Variants in NUTM1 observed in about 807,000 individuals in gnomAD.
NUTM1 encodes the protein NUT family member 1.
A neutral mutation model predicts 88.7 loss-of-function variants in NUTM1; 39 were observed. The observed-to-expected ratio is 0.44, with a 90% CI of 0.34 to 0.57. The LOEUF (loss-of-function observed/expected upper bound fraction) is 0.57, where lower values mean the gene tolerates loss of function less well. NUTM1 is among the 20% of genes least tolerant of loss of function. NUTM1 has a pLI of 0.01. For missense variants in NUTM1, 1,350 were observed against 1,414.5 expected, an observed-to-expected ratio of 0.95 and a Z score of 0.73; for synonymous variants, 494 against 538.0, an observed-to-expected ratio of 0.92 and a Z score of 1.13.
At chr15:34,347,170 C>A (rs1055830686) in intron 2 of NUTM1, among the ~76,000 whole-genome samples, 1 of 151,916 alleles carries the variant, frequency 6.6e-6, no homozygotes, top group Non-Finnish European at 1.5e-5. Flanking sequence ...GTTATCTCTG[C>A]ACTTTGGAAG....
At chr15:34,350,679 G>A (rs1566888958) in intron 3 of NUTM1, 25 bp from the exon 4 acceptor site, 1 of 1,606,996 alleles carries the variant, frequency 6.2e-7, no homozygotes, top group Admixed American at 1.7e-5. Flanking sequence ...CTTTTAGAAT[G>A]TGACTGACTC....
intron 2 of NUTM1, among the ~76,000 whole-genome samples, chr15:34,346,364 C>T (rs1424518946): frequency 3.3e-5 from 5 of 151,542 alleles, no homozygotes; most frequent in Non-Finnish European, 7.4e-5. Flanking sequence ...TTAGGACTGG[C>T]ACAGAGAGGT....
Position 34,354,724 on chromosome 15 carries a change from G to A in NUTM1, c.1354G>A (p.Val452Ile). Reference protein sequence around the residue: ...INELCSQKVFVSKVEAVIHPQ... With the variant: ...INELCSQKVFISKVEAVIHPQ... ...TGAGCTGTGTTCTCAGAAGGTCTTT[G>A]TCTCCAAGGTGAGCTGGGCCTGCAC... The change falls in exon 6 of 8, where the codon GTC becomes ATC. Residue 452 changes from valine to isoleucine, a missense_variant. Physicochemically the swap from Val to Ile is conservative, Grantham distance 29. Coordinates refer to ENST00000537011, the MANE Select transcript of NUTM1 (RefSeq NM_001284292.2). The A allele has an allele frequency of 6.2e-7, 1 of 1,614,166 alleles. No homozygotes were observed. The highest frequency in any genetic ancestry group is 1.1e-5 in the South Asian group (1 of 91,060).
chr15:34,352,503 C>T (rs193217534), intron 4 of NUTM1, among the ~76,000 whole-genome samples: 2 of 151,912 alleles, frequency 1.3e-5, no homozygotes, highest in East Asian at 1.9e-4. Context: ...GAGATAGGTA[C>T]GGAAAACAAG....
intron 4 of NUTM1, among the ~76,000 whole-genome samples, chr15:34,351,872 TAAA>T (rs11407280): frequency 7.2e-6 from 1 of 138,344 alleles, no homozygotes; most frequent in Non-Finnish European, 1.5e-5. Context: ...TATCTTTGAT[TAAA>T]AAAAAAAAAA....
Position 34,350,783 on chromosome 15 carries a change from G to A in NUTM1, c.889G>A (p.Glu297Lys). Residue 297 changes from glutamate to lysine, a missense_variant, in exon 4 of 8, where the codon GAG (glutamate) becomes AAG (lysine). Glu to Lys is a moderately conservative substitution (Grantham distance 56). Around this residue, in one of 5 missense-constraint regions of NUTM1, gnomAD observed 399 missense variants for 397.9 expected, o/e 1.00. Coordinates refer to ENST00000537011, the MANE Select transcript of NUTM1 (RefSeq NM_001284292.2). ...ACTGCCATTGGCTGTGCAGGAGTGG[G>A]AGCACACCAGCAACTTTGACCGGAT... is the stretch of plus-strand genomic sequence containing the variant. ...EGLPLAVQEW[E>K]HTSNFDRMIF... is the part of the protein sequence containing the mutation. The A allele has an allele frequency of 6.2e-7, 1 of 1,614,064 alleles. No homozygotes were observed.
Position 34,350,791 on chromosome 15 carries a change from C to T in NUTM1, c.897C>T (p.Thr299=), listed in dbSNP as rs1221209981. ...LPLAVQEWEH[T]SNFDRMIFYE... ...TGGCTGTGCAGGAGTGGGAGCACACCAGCAACTTTGACCGGATGATCTTTT... is the reference window on the plus strand; with the variant it reads ...TGGCTGTGCAGGAGTGGGAGCACACTAGCAACTTTGACCGGATGATCTTTT... Residue 299 remains threonine (T), a synonymous_variant, in exon 4 of 8, where the codon ACC becomes ACT. Coordinates refer to ENST00000537011, the MANE Select transcript of NUTM1 (RefSeq NM_001284292.2). The T allele has an allele frequency of 1.9e-6, 3 of 1,613,950 alleles. No individual in the cohort carries two copies. The African/African-American group carries it at 4.0e-5, about 22-fold the overall frequency.
intron 2 of NUTM1, among the ~76,000 whole-genome samples, chr15:34,346,603 C>T (rs116760868): frequency 1.8e-3 from 267 of 147,972 alleles, no homozygotes; most frequent in African/African-American, 6.5e-3. Flanking sequence ...CTGCTTGGGC[C>T]GGGTGCGGTG....
At position 34,356,831 on chromosome 15, in the gene NUTM1, A is replaced by G. The variant is rs373617109; in HGVS notation, c.2823A>G (p.Gln941=). 8 of 1,612,304 alleles carry G rather than the reference A, an allele frequency of 5.0e-6. No homozygotes were observed. The East Asian group carries it at 1.1e-4, about 22-fold the overall frequency. ...ILDVKDDCGL[Q]LRVSEDTCPL... is the part of the protein sequence containing the mutation. Reference sequence around the variant, plus strand: ...ATGTTAAAGATGACTGTGGCCTCCAACTAAGGGTCAGCGAGGACACCTGCC... The same window carrying G: ...ATGTTAAAGATGACTGTGGCCTCCAGCTAAGGGTCAGCGAGGACACCTGCC... The change falls in exon 8 of 8, where the codon CAA becomes CAG. Residue 941 remains glutamine (Q), a synonymous_variant. Coordinates refer to ENST00000537011, the MANE Select transcript of NUTM1 (RefSeq NM_001284292.2).
intron 2 of NUTM1, 63 bp from the exon 3 acceptor site, chr15:34,347,906 C>T: frequency 1.1e-6 from 1 of 873,552 alleles, no homozygotes; most frequent in Non-Finnish European, 1.7e-6. Context: ...ATGGGGAATT[C>T]AGATGGCTAA....
Position 34,355,381 on chromosome 15 carries a change from C to A in NUTM1, c.1480-107C>A. The A allele has an allele frequency of 9.0e-7, 1 of 1,110,538 alleles. No homozygotes were observed. Among genetic ancestry groups the A allele is most frequent in the Non-Finnish European group, 1.3e-6 (1 of 752,826 alleles). 68.8% of individuals were successfully genotyped at this position (1,110,538 alleles called of 1,614,324 possible). The stretch of plus-strand genomic sequence containing the variant: ...TCTGTCTTTGCTACCATCGCTTAAA[C>A]TACTTGCTTGCCTTCCTTGCCCTGC... On this transcript the variant is annotated intron_variant, in intron 7 of 7. Coordinates refer to ENST00000537011, the MANE Select transcript of NUTM1 (RefSeq NM_001284292.2). This position sits in a 1 kb window ranked among gnomAD's most constrained non-coding sequence, Gnocchi z 4.3.
intron 5 of NUTM1, 73 bp from the exon 6 acceptor site, chr15:34,354,373 T>C (rs190795659): frequency 1.4e-6 from 2 of 1,464,746 alleles, no homozygotes; most frequent in South Asian, 2.3e-5. Context: ...CTTACCTTAG[T>C]GTACATTCCG....
Position 34,356,121 on chromosome 15 carries a change from T to G in NUTM1, c.2113T>G (p.Leu705Val), listed in dbSNP as rs767221399. 4.3e-6 allele frequency: 7 copies of G among 1,613,368 alleles called. No homozygotes were observed. The highest frequency in any genetic ancestry group is 5.9e-6 in the Non-Finnish European group (7 of 1,179,488). ...RGVLPQGKEP[L>V]AVPWEGSSGA... ...AGTGCTTCCTCAAGGGAAGGAGCCT[T>G]TAGCAGTGCCCTGGGAAGGCTCTTC... Residue 705 changes from leucine (L) to valine (V), a missense_variant, in exon 8 of 8, where the codon TTA becomes GTA. Physicochemically the swap from Leu to Val is conservative, Grantham distance 32 (BLOSUM62 1). Coordinates refer to ENST00000537011, the MANE Select transcript of NUTM1 (RefSeq NM_001284292.2).
intron 2 of NUTM1, among the ~76,000 whole-genome samples, chr15:34,347,741 T>C (rs915850573): frequency 3.3e-5 from 5 of 151,798 alleles, no homozygotes; most frequent in African/African-American, 4.8e-5. Flanking sequence ...TAGTCCCAGC[T>C]ACACAGGAGG....
rs372499682 is a variant in NUTM1, at chr15:34,353,812, G to A, written c.1015G>A (p.Ala339Thr). The stretch of plus-strand genomic sequence containing the variant: ...GAATGGGTCTCAGGGCCTGTCTCCT[G>A]CAACCCCTTTGAAACTTGATCCTCT... ...LMNGSQGLSP[A>T]TPLKLDPLGP... Residue 339 changes from alanine (A) to threonine (T), a missense_variant, in exon 5 of 8, where the codon GCA becomes ACA. Around this residue, in one of 5 missense-constraint regions of NUTM1, gnomAD observed 89 missense variants for 76.0 expected, o/e 1.17. Coordinates refer to ENST00000537011, the MANE Select transcript of NUTM1 (RefSeq NM_001284292.2). 3 of 1,613,992 alleles carry A rather than the reference G, an allele frequency of 1.9e-6. No homozygotes were observed. Among genetic ancestry groups the A allele is most frequent in the African/African-American group, 2.7e-5 (2 of 74,926 alleles).
In NUTM1 at chr15:34,354,697, A is replaced by G. The variant is rs750450410; in HGVS notation, c.1327A>G (p.Asn443Asp). The change falls in exon 6 of 8, where the codon AAT (asparagine) becomes GAT (aspartate). Residue 443 changes from asparagine to aspartate, a missense_variant. Physicochemically the swap from Asn to Asp is conservative, Grantham distance 23 (BLOSUM62 1). Coordinates refer to ENST00000537011, the MANE Select transcript of NUTM1 (RefSeq NM_001284292.2). ...YPDPGLLSYI[N>D]ELCSQKVFVS... is the part of the protein sequence containing the mutation. Reference sequence around the variant, plus strand: ...AGATCCAGGTCTCCTGAGCTACATCAATGAGCTGTGTTCTCAGAAGGTCTT... The same window carrying G: ...AGATCCAGGTCTCCTGAGCTACATCGATGAGCTGTGTTCTCAGAAGGTCTT... The G allele has an allele frequency of 2.5e-6, 4 of 1,614,082 alleles. No individual in the cohort carries two copies. The highest frequency in any genetic ancestry group is 2.5e-6 in the Non-Finnish European group (3 of 1,180,040).
intron 3 of NUTM1, among the ~76,000 whole-genome samples, chr15:34,349,019 C>T (rs1006690872): frequency 2.0e-5 from 3 of 152,128 alleles, no homozygotes; most frequent in Admixed American, 6.5e-5. Flanking sequence ...GGGTCCTCCC[C>T]CCGTTCTATT....
chr15:34,348,661 C>T lies in NUTM1; in HGVS notation c.793C>T (p.Leu265Phe). The change falls in exon 3 of 8, where the codon CTT (leucine) becomes TTT (phenylalanine). Residue 265 changes from leucine (L) to phenylalanine (F), a missense_variant. Transcript: ENST00000537011. Reference protein sequence around the residue: ...HLSQSPDTEALSCFLIPVLRS... With the variant: ...HLSQSPDTEAFSCFLIPVLRS... ...ATCCCAGAGTCCTGACACAGAAGCT[C>T]TTTCCTGTTTTCTTATGTAAGTGGG... 1 of 1,604,000 alleles carries T rather than the reference C, an allele frequency of 6.2e-7. No homozygotes were observed. The highest frequency in any genetic ancestry group is 1.7e-5 in the Admixed American group (1 of 59,926).
intron 1 of NUTM1, among the ~76,000 whole-genome samples, chr15:34,343,932 G>T (rs61385316): frequency 4.9e-5 from 7 of 141,546 alleles, no homozygotes; most frequent in Admixed American, 3.6e-4. Context: ...TTTTTTTTAA[G>T]AATATGGTTT....
Sources: allele counts gnomAD v4.1 joint callset (sites outside exome capture counted in the v4.1 genomes callset), GRCh38; gene constraint gnomAD v4.1.1; regional missense constraint gnomAD v4.1.1; non-coding constraint Gnocchi (gnomAD v3.1); transcripts MANE v1.5; gene names NCBI Gene and HGNC (gene_info 2026-07-23, HGNC 2026-07-21).